The following PICALM variants were observed in gnomAD, a reference collection of about 807,000 sequenced individuals.
PICALM encodes the protein phosphatidylinositol-binding clathrin assembly protein.
A neutral mutation model predicts 80.5 loss-of-function variants in PICALM; 40 were observed. The ratio of observed to expected loss-of-function variants is 0.50; its 90% CI spans 0.39 to 0.65. The LOEUF (loss-of-function observed/expected upper bound fraction) is 0.65. PICALM is among the 30% of genes least tolerant of loss of function. PICALM has a pLI of 0.00. For synonymous variants in PICALM, 288 were observed against 260.3 expected, an observed-to-expected ratio of 1.11 and a Z score of -1.02; for missense variants, 676 against 778.9, an observed-to-expected ratio of 0.87 and a Z score of 1.57.
intron 17 of PICALM, among the ~76,000 whole-genome samples, chr11:85,979,042 T>C (rs1286221275): frequency 1.3e-5 from 2 of 152,144 alleles, no homozygotes; most frequent in Non-Finnish European, 2.9e-5. Context: ...AACTTAAATC[T>C]GCTTTTCAAC....
chr11:86,068,421 G>C (rs567740165), intron 1 of PICALM, among the ~76,000 whole-genome samples: 2 of 152,242 alleles, frequency 1.3e-5, no homozygotes, highest in African/African-American at 2.4e-5. Context: ...GGGTCCCCTA[G>C]GAATAGGGAG....
intron 17 of PICALM, among the ~76,000 whole-genome samples, chr11:85,978,969 C>G (rs7131120): frequency 0.2 from 30,269 of 152,028 alleles, 3,350 homozygotes; most frequent in East Asian, 0.48. Context: ...CTACCATACC[C>G]TAGTCAGTGA....
rs1351383888 is a variant in PICALM, at chr11:85,990,293, T to C, written c.1365A>G (p.Val455=). The C allele has an allele frequency of 1.9e-6, 3 of 1,606,746 alleles. No individual in the cohort carries two copies. The highest frequency in any genetic ancestry group is 1.7e-4 in the Middle Eastern group (1 of 6,034). The change falls in exon 13 of 20, where the codon GTA becomes GTG. Residue 455 remains valine (V), a synonymous_variant. Coordinates refer to ENST00000393346, the MANE Select transcript of PICALM (RefSeq NM_007166.4). ...TAGGTGTCCTAGTAGTAAAAGTAGATACATCTGAAGAAATGGAAAGGTGAA... is the reference window on the plus strand; with the variant it reads ...TAGGTGTCCTAGTAGTAAAAGTAGACACATCTGAAGAAATGGAAAGGTGAA... ...GDVHLSISSD[V]STFTTRTPTH... is the part of the protein sequence containing the mutation.
chr11:85,991,826 A>G (rs892461753), intron 12 of PICALM, among the ~76,000 whole-genome samples: 12 of 152,198 alleles, frequency 7.9e-5, no homozygotes, highest in Non-Finnish European at 1.2e-4. Context: ...TTAAATAGTT[A>G]CAAGAAGTTG....
intron 1 of PICALM, among the ~76,000 whole-genome samples, chr11:86,059,660 G>T (rs182852497): frequency 2.5e-4 from 38 of 152,266 alleles, no homozygotes; most frequent in Non-Finnish European, 4.9e-4. Context: ...TACTCAGGAG[G>T]CTGAGGCAAG....
intron 19 of PICALM, among the ~76,000 whole-genome samples, chr11:85,970,169 T>A (rs535998390): frequency 1.3e-5 from 2 of 152,196 alleles, no homozygotes; most frequent in East Asian, 3.9e-4. Context: ...TATAATCTAG[T>A]AAAGAAAGCC....
chr11:85,974,583 G>T, intron 19 of PICALM, 125 bp downstream of exon 19: 1 of 742,894 alleles, frequency 1.3e-6, no homozygotes, highest in Non-Finnish European at 2.5e-6. Flanking sequence ...TATGAAGCAA[G>T]CAATATCCAT....
chr11:86,030,384 G>A (rs1390960770), intron 2 of PICALM, among the ~76,000 whole-genome samples: 1 of 152,176 alleles, frequency 6.6e-6, no homozygotes, highest in Non-Finnish European at 1.5e-5. Flanking sequence ...AACACACAAC[G>A]TGATGGATGT....
At chr11:86,005,047 T>C (rs922354826) in intron 8 of PICALM, among the ~76,000 whole-genome samples, 9 of 152,234 alleles carry the variant, frequency 5.9e-5, no homozygotes, top group African/African-American at 1.9e-4. Context: ...GCTAGCTACC[T>C]TGTAGTAGTC....
At chr11:86,057,985 A>G (rs902736238) in intron 1 of PICALM, among the ~76,000 whole-genome samples, 4 of 152,170 alleles carry the variant, frequency 2.6e-5, no homozygotes, top group African/African-American at 9.7e-5. Flanking sequence ...TTAGCTTTGG[A>G]TTAGTTAAAT....
At chr11:86,008,781 A>T (rs1167573643) in intron 7 of PICALM, among the ~76,000 whole-genome samples, 3 of 151,814 alleles carry the variant, frequency 2.0e-5, no homozygotes, top group Non-Finnish European at 4.4e-5. Flanking sequence ...ACAGTCTCAA[A>T]ACAGAATATT....
chr11:85,978,234 T>C (rs1034116602), intron 17 of PICALM: 8 of 707,056 alleles, frequency 1.1e-5, no homozygotes, highest in African/African-American at 8.8e-5. Flanking sequence ...ATTTCCAGTA[T>C]CTAATGAAAG....
intron 5 of PICALM, 47 bp from the exon 6 acceptor site, chr11:86,012,439 T>A (rs961533715): frequency 9.9e-7 from 1 of 1,009,956 alleles, no homozygotes; most frequent in East Asian, 2.4e-5. Context: ...AGGTTTTAAA[T>A]GACATTGACA....
chr11:85,965,054 T>C (rs1038461285), intron 19 of PICALM, among the ~76,000 whole-genome samples: 1 of 152,230 alleles, frequency 6.6e-6, no homozygotes, highest in South Asian at 2.1e-4. Flanking sequence ...ATGGTTTTGA[T>C]TGAGTGTTTG....
intron 1 of PICALM, among the ~76,000 whole-genome samples, chr11:86,048,725 G>A (rs941879294): frequency 2.0e-5 from 3 of 151,522 alleles, no homozygotes; most frequent in South Asian, 2.1e-4. Context: ...TCAGCTACTC[G>A]GGAGGCTGAG....
intron 12 of PICALM, among the ~76,000 whole-genome samples, chr11:85,995,339 T>C (rs1014584391): frequency 6.6e-6 from 1 of 152,216 alleles, no homozygotes; most frequent in African/African-American, 2.4e-5. Flanking sequence ...TGTATTCCAA[T>C]ATATTGCAGT....
At chr11:86,005,529 C>G (rs1320270280) in intron 8 of PICALM, among the ~76,000 whole-genome samples, 1 of 151,970 alleles carries the variant, frequency 6.6e-6, no homozygotes, top group Non-Finnish European at 1.5e-5. Flanking sequence ...TATAGGGAGA[C>G]CCTGTCTCCA....
At chr11:86,009,521 G>A (rs527944344) in intron 7 of PICALM, among the ~76,000 whole-genome samples, 1 of 151,288 alleles carries the variant, frequency 6.6e-6, no homozygotes, top group Admixed American at 6.6e-5. Flanking sequence ...GTGAAACCCC[G>A]TCTCTACTAA....
upstream of PICALM, chr11:86,069,468 TCCTCG>T (rs1565639666): frequency 6.6e-6 from 1 of 152,534 alleles, no homozygotes; most frequent in South Asian, 2.0e-4. Context: ...CTCAAGTGTG[TCCTCG>T]TGTCTGTGGT....
Sources: allele counts gnomAD v4.1 joint callset (sites outside exome capture counted in the v4.1 genomes callset), GRCh38; gene constraint gnomAD v4.1.1; transcripts MANE v1.5; gene names NCBI Gene and HGNC (gene_info 2026-07-23, HGNC 2026-07-21).